Variants in DEUP1 observed in about 807,000 individuals in gnomAD.
The protein encoded by DEUP1 is coiled-coil domain containing 67.
DEUP1 carries 82 observed loss-of-function variants against 87.4 expected under a neutral mutation model. That is an observed-to-expected ratio of 0.94 (90% CI 0.78 to 1.13). The LOEUF is 1.13. Among genes scored for constraint, DEUP1 ranks in the 50% most tolerant of loss-of-function variants. The pLI, the probability that DEUP1 is intolerant of heterozygous loss-of-function variation, is 0.00. For synonymous variants in DEUP1, 214 were observed against 222.7 expected, an observed-to-expected ratio of 0.96 and a Z score of 0.35; for missense variants, 663 against 681.5, an observed-to-expected ratio of 0.97 and a Z score of 0.30.
intron 13 of DEUP1, among the ~76,000 whole-genome samples, chr11:93,428,787 T>C (rs1357010097): frequency 6.6e-6 from 1 of 152,178 alleles, no homozygotes; most frequent in African/African-American, 2.4e-5. Flanking sequence ...AGGCAATCAT[T>C]AACCTGTTTT....
chr11:93,371,006 C>T, intron 6 of DEUP1, 32 bp from the exon 7 acceptor site: 1 of 1,571,700 alleles, frequency 6.4e-7, no homozygotes, highest in African/African-American at 1.4e-5. Flanking sequence ...TGACATTCTT[C>T]ATTTGAGTTA....
At chr11:93,330,389 G>A (rs1943405718), upstream of DEUP1, 1 of 152,496 alleles carries the variant, frequency 6.6e-6, no homozygotes, top group African/African-American at 2.4e-5. Context: ...GGTAGGCAGT[G>A]GGACTACAAA....
intron 11 of DEUP1, among the ~76,000 whole-genome samples, chr11:93,407,568 G>A (rs1457314643): frequency 6.6e-6 from 1 of 151,980 alleles, no homozygotes; most frequent in African/African-American, 2.4e-5. Flanking sequence ...AGACTAGAAA[G>A]ATATAAATAT....
Position 93,355,446 on chromosome 11 carries a change from T to C in DEUP1, c.105T>C (p.Asp35=), listed in dbSNP as rs761532182. The C allele has an allele frequency of 1.2e-5, 20 of 1,613,696 alleles. No homozygotes were observed. The South Asian group carries it at 2.0e-4, about 16-fold the overall frequency. ...IDIMVSNKKM[D]WERKMRALET... is the part of the protein sequence containing the mutation. The stretch of plus-strand genomic sequence containing the variant: ...TCATGGTAAGCAACAAGAAAATGGA[T>C]TGGGAAAGAAAGATGCGGGCTTTGG... The change falls in exon 3 of 14, where the codon GAT becomes GAC. Residue 35 remains aspartate, a synonymous_variant. Transcript: ENST00000298050.
intron 9 of DEUP1, among the ~76,000 whole-genome samples, chr11:93,393,685 T>TTA: frequency 6.6e-6 from 1 of 151,736 alleles, no homozygotes; most frequent in South Asian, 2.1e-4. Context: ...AGACGGATGA[T>TTA]TATGTACTTT....
chr11:93,348,230 CTCTTT>C (rs906942981), intron 2 of DEUP1, among the ~76,000 whole-genome samples: 9 of 152,020 alleles, frequency 5.9e-5, no homozygotes, highest in African/African-American at 2.2e-4. Flanking sequence ...TGGATCTTCT[CTCTTT>C]TCTTCTTTGT....
chr11:93,383,528 C>A, intron 7 of DEUP1: 1 of 611,642 alleles, frequency 1.6e-6, no homozygotes. Context: ...TGAAAATGCT[C>A]TGGAATAAAG....
chr11:93,385,092 C>T (rs925443195), intron 7 of DEUP1, among the ~76,000 whole-genome samples: 3 of 151,966 alleles, frequency 2.0e-5, no homozygotes, highest in African/African-American at 4.8e-5. Flanking sequence ...CATGGTGGCA[C>T]GAGCCTTTAA....
chr11:93,393,087 C>CTTTTT (rs1228305437), intron 9 of DEUP1, among the ~76,000 whole-genome samples: 5 of 94,550 alleles, frequency 5.3e-5, no homozygotes, highest in South Asian at 4.1e-4. Flanking sequence ...CTTCCTCCTT[C>CTTTTT]TTTTTTTTTT....
intron 9 of DEUP1, among the ~76,000 whole-genome samples, chr11:93,391,084 GAAA>G (rs61521758): frequency 8.2e-6 from 1 of 122,514 alleles, no homozygotes; most frequent in Non-Finnish European, 1.8e-5. Flanking sequence ...TCTGTCTCAG[GAAA>G]AAAAAAAAAA....
At chr11:93,403,777 T>C (rs1443881444) in intron 11 of DEUP1, among the ~76,000 whole-genome samples, 3 of 151,792 alleles carry the variant, frequency 2.0e-5, no homozygotes, top group Non-Finnish European at 2.9e-5. Flanking sequence ...TTATCATATC[T>C]ATTATATATT....
intron 7 of DEUP1, among the ~76,000 whole-genome samples, chr11:93,373,054 A>G (rs1424275046): frequency 6.6e-6 from 1 of 152,188 alleles, no homozygotes; most frequent in Non-Finnish European, 1.5e-5. Context: ...TTTAAAGGCA[A>G]CCTATACTTA....
At chr11:93,413,241 ATTT>A (rs11331603) in intron 12 of DEUP1, among the ~76,000 whole-genome samples, 147 of 118,002 alleles carry the variant, frequency 1.2e-3, no homozygotes, top group African/African-American at 4.0e-3. Context: ...GTCTTTGATG[ATTT>A]TTTTTTTTTT....
chr11:93,370,092 G>C lies in DEUP1; in HGVS notation c.452G>C (p.Arg151Thr). The C allele has an allele frequency of 6.2e-7, 1 of 1,600,506 alleles. No individual in the cohort carries two copies. Reference protein sequence around the residue: ...QKLEEFRAKSREWDKQEILYQ... With the variant: ...QKLEEFRAKSTEWDKQEILYQ... ...TAAAAGGAATTTAGAGCAAAGTCAA[G>C]AGAATGGGACAAGCAAGAGATATTA... The change falls in exon 6 of 14, where the codon AGA becomes ACA. Residue 151 changes from arginine to threonine, a missense_variant. Transcript: ENST00000298050.
At chr11:93,400,424 C>G (rs1947078184) in intron 11 of DEUP1, among the ~76,000 whole-genome samples, 2 of 152,198 alleles carry the variant, frequency 1.3e-5, no homozygotes, top group South Asian at 4.1e-4. Context: ...CCCTGTACCA[C>G]TGTCTTCTTC....
chr11:93,332,314 A>G (rs780708546), intron 2 of DEUP1, 26 bp downstream of exon 2: 2 of 1,596,202 alleles, frequency 1.3e-6, no homozygotes, highest in South Asian at 1.1e-5. Flanking sequence ...TTTCTGTTTA[A>G]TAAGTATGTG....
intron 9 of DEUP1, among the ~76,000 whole-genome samples, chr11:93,393,574 T>C (rs1946839151): frequency 6.6e-6 from 1 of 152,212 alleles, no homozygotes; most frequent in Non-Finnish European, 1.5e-5. Context: ...ATCCCTAGGC[T>C]GGGTTAAACA....
intron 11 of DEUP1, among the ~76,000 whole-genome samples, chr11:93,402,954 G>A (rs1021314934): frequency 1.4e-4 from 22 of 151,810 alleles, no homozygotes; most frequent in Non-Finnish European, 2.9e-5. Flanking sequence ...TCAACACTAG[G>A]TAACATATAT....
intron 4 of DEUP1, among the ~76,000 whole-genome samples, chr11:93,362,051 A>G (rs1945200529): frequency 6.6e-6 from 1 of 152,076 alleles, no homozygotes; most frequent in Non-Finnish European, 1.5e-5. Context: ...CTTAAACCAC[A>G]GACAAAAATT....
Sources: allele counts gnomAD v4.1 joint callset (sites outside exome capture counted in the v4.1 genomes callset), GRCh38; gene constraint gnomAD v4.1.1; transcripts MANE v1.5; gene names NCBI Gene and HGNC (gene_info 2026-07-23, HGNC 2026-07-21).